ICE1: variants seen among roughly 807,000 people sequenced by gnomAD.
The protein encoded by ICE1 is little elongation complex subunit 1.
Under a neutral mutation model 192.7 loss-of-function variants are expected in ICE1, and 64 were observed. The observed-to-expected ratio is 0.33, with a 90% CI of 0.27 to 0.41. The LOEUF (loss-of-function observed/expected upper bound fraction) is 0.41. Among genes scored for constraint, ICE1 ranks in the 10% least tolerant of loss-of-function variants. The pLI is 1.00. For synonymous variants in ICE1, 1,010 were observed against 984.5 expected (o/e 1.03, Z -0.49); for missense variants, 2,708 against 2,696.0 (o/e 1.00, Z -0.10).
chr5:5,463,299 C>T lies in ICE1; in HGVS notation c.3965C>T (p.Ala1322Val), dbSNP rs767368364. The T allele has an allele frequency of 3.1e-6, 5 of 1,613,518 alleles. No homozygotes were observed. The highest frequency in any genetic ancestry group is 2.5e-6 in the Non-Finnish European group (3 of 1,179,784). The change falls in exon 13 of 19, where the codon GCA (alanine) becomes GTA (valine). Residue 1322 changes from alanine (A) to valine (V), a missense_variant. Ala to Val is a moderately conservative substitution (Grantham distance 64). Around this residue, in one of 2 missense-constraint regions of ICE1, gnomAD observed 2,366 missense variants for 2,276.6 expected, o/e 1.04. Transcript: ENST00000296564. ...CATGCTTCAGAACCAACCCCACAAG[C>T]AGCTGCCTTGGACACTGAGGGCAGC... is the stretch of plus-strand genomic sequence containing the variant. Reference protein sequence around the residue: ...SSHASEPTPQAAALDTEGSSP... With the variant: ...SSHASEPTPQVAALDTEGSSP...
chr5:5,460,391 A>G, intron 12 of ICE1, 45 bp from the exon 13 acceptor site: 8 of 1,119,518 alleles, frequency 7.1e-6, no homozygotes, highest in Non-Finnish European at 1.0e-5. Context: ...AGTCATGTTA[A>G]TCTGTTGAAT....
Position 5,462,939 on chromosome 5 carries a change from T to A in ICE1, c.3605T>A (p.Leu1202Gln), listed in dbSNP as rs375119399. Residue 1202 changes from leucine to glutamine, a missense_variant, in exon 13 of 19, where the codon CTA becomes CAA. By Grantham distance (113) the Leu-to-Gln change is moderately radical. Coordinates refer to ENST00000296564, the MANE Select transcript of ICE1 (RefSeq NM_015325.3). ...TCTGAATGTTCTAGTAAAGGAACCC[T>A]AAGTAAAGAAATGAACAAAGAATTA... ...SVSECSSKGT[L>Q]SKEMNKELKA... 1 of 1,611,136 alleles carries A rather than the reference T, an allele frequency of 6.2e-7. No homozygotes were observed. Among genetic ancestry groups the A allele is most frequent in the Non-Finnish European group, 8.5e-7 (1 of 1,178,562 alleles).
In ICE1 at chr5:5,457,741, T is replaced by C; in HGVS notation, c.1101T>C (p.Pro367=). 6.2e-7 allele frequency: 1 copy of C among 1,607,846 alleles called. No individual in the cohort carries two copies. The change falls in exon 12 of 19, where the codon CCT becomes CCC. Residue 367 remains proline (P), a splice_region_variant and synonymous_variant. Coordinates refer to ENST00000296564, the MANE Select transcript of ICE1 (RefSeq NM_015325.3). ...HPGSLPSSFA[P]ETYFGEYTDS... ...GTTCCTTACCGTCTTCATTTGCACC[T>C]GTGAGTTTTGCTCTCTGAATTTGAA...
chr5:5,489,485 A>G lies in ICE1; in HGVS notation c.*155A>G, dbSNP rs1287474740. The G allele has an allele frequency of 1.6e-6, 1 of 631,032 alleles. No homozygotes were observed. Among genetic ancestry groups the G allele is most frequent in the Non-Finnish European group, 2.6e-6 (1 of 387,726 alleles). 39.1% of individuals were successfully genotyped at this position (631,032 alleles called of 1,614,324 possible). A position where few individuals can be genotyped will look rare whatever the true frequency, so the allele number is the denominator to read the frequency against. ...TCTCCTTATTGTTTGGCAAGGAGAC[A>G]GGAGAAACAAGCAGTCGCATAGTCG... On this transcript the variant is annotated 3_prime_UTR_variant, in exon 19 of 19. Transcript: ENST00000296564.
rs141205960 is a variant in ICE1, at chr5:5,456,174, C to T, written c.692-1158C>T. Among the ~76,000 whole-genome samples the T allele has an allele frequency of 6.0e-3, 913 of 152,252 alleles. 9 individuals carry two copies. The highest frequency in any genetic ancestry group is 0.021 in the African/African-American group (867 of 41,542). On this transcript the variant is annotated intron_variant, in intron 11 of 18. Transcript: ENST00000296564. ...TGTGGATATGTATTATCACTGGGCT[C>T]TAACCTTGAGCACTTGGGTAAGGTG...
intron 1 of ICE1, among the ~76,000 whole-genome samples, chr5:5,426,282 G>A (rs985497044): frequency 1.3e-5 from 2 of 151,880 alleles, no homozygotes; most frequent in African/African-American, 2.4e-5. Context: ...CCGTCTCTAC[G>A]AAAAATACAA....
intron 14 of ICE1, 75 bp from the exon 15 acceptor site, chr5:5,468,753 C>T (rs1271072137): frequency 1.1e-6 from 1 of 908,442 alleles, no homozygotes; most frequent in Non-Finnish European, 1.6e-6. Context: ...GAAATTAATA[C>T]AATTTGTTCT....
intron 2 of ICE1, 99 bp from the exon 3 acceptor site, chr5:5,436,981 G>A: frequency 1.4e-6 from 1 of 729,944 alleles, no homozygotes; most frequent in Non-Finnish European, 2.4e-6. Flanking sequence ...AGGAAATCTA[G>A]GAAGTCTAGA....
intron 17 of ICE1, among the ~76,000 whole-genome samples, chr5:5,479,536 G>A (rs1739436034): frequency 6.6e-6 from 1 of 152,158 alleles, no homozygotes; most frequent in South Asian, 2.1e-4. Context: ...ACAGTGTGGT[G>A]ATTCTCAAGG....
intron 1 of ICE1, among the ~76,000 whole-genome samples, chr5:5,435,673 G>GTTTT (rs371635237): frequency 6.7e-5 from 4 of 59,282 alleles, no homozygotes; most frequent in African/African-American, 1.3e-4. Flanking sequence ...TTTTTTTTTT[G>GTTTT]TTTTGTTTTT....
intron 1 of ICE1, among the ~76,000 whole-genome samples, chr5:5,433,913 G>A (rs1737796617): frequency 1.3e-5 from 2 of 151,810 alleles, no homozygotes; most frequent in African/African-American, 2.4e-5. Context: ...AAATGGTATA[G>A]GCATATCACT....
chr5:5,436,282 A>G, intron 1 of ICE1, 136 bp from the exon 2 acceptor site: 1 of 541,028 alleles, frequency 1.8e-6, no homozygotes, highest in South Asian at 3.1e-5. Context: ...TGTGCTCTAC[A>G]CAATATAAGT....
intron 3 of ICE1, among the ~76,000 whole-genome samples, chr5:5,438,623 G>C (rs1737949802): frequency 1.3e-5 from 2 of 152,088 alleles, no homozygotes; most frequent in Admixed American, 6.6e-5. Flanking sequence ...TCCAGTATTA[G>C]GAGAGTATGT....
Position 5,422,811 on chromosome 5 carries a change from A to C in ICE1, c.-105A>C. 3.7e-6 allele frequency: 3 copies of C among 801,106 alleles called. No homozygotes were observed. The highest frequency in any genetic ancestry group is 5.6e-5 in the South Asian group (1 of 17,842). The allele number at this position is 801,106 out of a possible 1,614,324, so 49.6% of individuals were successfully genotyped here. ...ATGGACCCGCCCGGACCTGGCGGGA[A>C]GCGGCCTGGCAGGCGGCGGCCCCGG... is the stretch of plus-strand genomic sequence containing the variant. On this transcript the variant is annotated 5_prime_UTR_variant, in exon 1 of 19. Coordinates refer to ENST00000296564, the MANE Select transcript of ICE1 (RefSeq NM_015325.3).
At chr5:5,429,017 G>C (rs1737615427) in intron 1 of ICE1, among the ~76,000 whole-genome samples, 1 of 152,180 alleles carries the variant, frequency 6.6e-6, no homozygotes, top group African/African-American at 2.4e-5. Flanking sequence ...CATACAGAGT[G>C]AAGTCAGTAA....
rs186161650 is a variant in ICE1 at position 5,435,005 on chromosome 5, G to A, written c.85-1413G>A. ...GTAAACCTCTGAAATGCATAAGTCT[G>A]GTCCAGCAGTACCAGTATTTGGGCT... On this transcript the variant is annotated intron_variant, in intron 1 of 18. Transcript: ENST00000296564. 4.5e-3 allele frequency among the ~76,000 whole-genome samples: 690 copies of A among 152,208 alleles called. 6 individuals carry two copies. Among genetic ancestry groups the A allele is most frequent in the Middle Eastern group, 6.8e-3 (2 of 294 alleles).
chr5:5,469,596 A>G (rs757915076), intron 15 of ICE1, among the ~76,000 whole-genome samples: 2 of 152,036 alleles, frequency 1.3e-5, no homozygotes, highest in Non-Finnish European at 2.9e-5. Context: ...TGATTTTTTA[A>G]TTTTATTTTC....
intron 17 of ICE1, among the ~76,000 whole-genome samples, chr5:5,483,047 A>G (rs1204288726): frequency 6.6e-6 from 1 of 152,008 alleles, no homozygotes; most frequent in Non-Finnish European, 1.5e-5. Context: ...CTGGAGTGCA[A>G]TGGCGTGATC....
At chr5:5,431,501 T>A (rs1256996214) in intron 1 of ICE1, among the ~76,000 whole-genome samples, 2 of 152,240 alleles carry the variant, frequency 1.3e-5, no homozygotes, top group African/African-American at 4.8e-5. Context: ...GTCTGGGAAG[T>A]AAGTTTGTAG....
Sources: allele counts gnomAD v4.1 joint callset (sites outside exome capture counted in the v4.1 genomes callset), GRCh38; gene constraint gnomAD v4.1.1; regional missense constraint gnomAD v4.1.1; transcripts MANE v1.5; gene names NCBI Gene and HGNC (gene_info 2026-07-23, HGNC 2026-07-21).